The following TCF20 variants were observed in gnomAD, a reference collection of about 807,000 sequenced individuals.
TCF20 encodes SPRE-binding protein.
TCF20 carries 3 observed loss-of-function variants against 148.6 expected under a neutral mutation model. The ratio of observed to expected loss-of-function variants is 0.02; its 90% CI spans 0.01 to 0.05. TCF20 has a LOEUF of 0.05. Among genes scored for constraint, TCF20 ranks in the 10% least tolerant of loss-of-function variants. The probability of loss-of-function intolerance (pLI) is 1.00; values close to 1 mark genes in which losing one functional copy is unlikely to be tolerated. For missense variants in TCF20, 2,350 were observed against 2,429.3 expected, an observed-to-expected ratio of 0.97 and a Z score of 0.69; for synonymous variants, 1,049 against 909.5, an observed-to-expected ratio of 1.15 and a Z score of -2.76.
chr22:42,268,370 G>A lies in TCF20; in HGVS notation c.-37+1969C>T, dbSNP rs536680141. On this transcript the variant is annotated intron_variant, in intron 1 of 5. Coordinates refer to ENST00000677622, the MANE Select transcript of TCF20 (RefSeq NM_001378418.1). Reference sequence around the variant, plus strand: ...CCATAAAATCAGTGAAACTAATTGCGGTTCTTCAGCATCTGCGGAGCACTG... The same window carrying A: ...CCATAAAATCAGTGAAACTAATTGCAGTTCTTCAGCATCTGCGGAGCACTG... Among the ~76,000 whole-genome samples, 6 of 152,216 alleles carry A rather than the reference G, an allele frequency of 3.9e-5. No individual in the cohort carries two copies. The South Asian group carries it at 1.0e-3, about 26-fold the overall frequency.
At chr22:42,185,419 C>T (rs1936997551) in intron 2 of TCF20, among the ~76,000 whole-genome samples, 1 of 152,154 alleles carries the variant, frequency 6.6e-6, no homozygotes, top group Non-Finnish European at 1.5e-5. Context: ...AACTTGAGAG[C>T]CTGAAGACAA....
intron 1 of TCF20, among the ~76,000 whole-genome samples, chr22:42,237,325 A>G (rs969268814): frequency 6.6e-6 from 1 of 151,700 alleles, no homozygotes; most frequent in Non-Finnish European, 1.5e-5. Flanking sequence ...ATAAGCAGCA[A>G]CTCCTCATCT....
intron 1 of TCF20, among the ~76,000 whole-genome samples, chr22:42,261,046 CTG>C (rs1456203658): frequency 2.0e-5 from 3 of 152,200 alleles, no homozygotes; most frequent in African/African-American, 7.2e-5. Flanking sequence ...CAACACCAAT[CTG>C]AAATCTAGTA....
In TCF20 at chr22:42,210,619, G is replaced by A. The variant is rs1480392512; in HGVS notation, c.4687C>T (p.Pro1563Ser). The change falls in exon 2 of 6, where the codon CCC (proline) becomes TCC (serine). Residue 1563 changes from proline to serine, a missense_variant. By Grantham distance (74) the Pro-to-Ser change is moderately conservative. Coordinates refer to ENST00000677622, the MANE Select transcript of TCF20 (RefSeq NM_001378418.1). The surrounding 1 kb of genome is among the most constrained non-coding windows in gnomAD (Gnocchi z 4.7). ...GCAGAACCTTCTGGTATCTGTGGGGGCTGAGGGGGTGGAGGCGGTGGCTGC... is the reference window on the plus strand; with the variant it reads ...GCAGAACCTTCTGGTATCTGTGGGGACTGAGGGGGTGGAGGCGGTGGCTGC... ...QQQPPPPPPQ[P>S]PQIPEGSADG... 4.3e-6 allele frequency: 7 copies of A among 1,614,072 alleles called. No individual in the cohort carries two copies. The East Asian group carries it at 8.9e-5, about 21-fold the overall frequency.
At chr22:42,241,784 G>C (rs189212448) in intron 1 of TCF20, among the ~76,000 whole-genome samples, 1 of 151,940 alleles carries the variant, frequency 6.6e-6, no homozygotes, top group Non-Finnish European at 1.5e-5. Context: ...AGCCAAGATC[G>C]TGCCACTGCA....
intron 1 of TCF20, among the ~76,000 whole-genome samples, chr22:42,237,475 G>A (rs1383020911): frequency 1.3e-5 from 2 of 152,152 alleles, no homozygotes; most frequent in East Asian, 3.8e-4. Context: ...TCATCCATGA[G>A]GGCTGGAATC....
At position 42,160,546 on chromosome 22, in the gene TCF20, T is replaced by C; in HGVS notation, c.*857A>G. On this transcript the variant is annotated 3_prime_UTR_variant, in exon 6 of 6. Coordinates refer to ENST00000677622, the MANE Select transcript of TCF20 (RefSeq NM_001378418.1). ...TGATTTTGCTGCTGCTGTGTACACT[T>C]GATGGGGTCCTTGAGGTCCTCACCA... 1 of 152,390 alleles carries C rather than the reference T, an allele frequency of 6.6e-6. No individual in the cohort carries two copies. The highest frequency in any genetic ancestry group is 1.5e-5 in the Non-Finnish European group (1 of 68,004). 9.4% of individuals were successfully genotyped at this position (152,390 alleles called of 1,614,324 possible).
chr22:42,237,289 C>A (rs2147296312), intron 1 of TCF20, among the ~76,000 whole-genome samples: 1 of 152,314 alleles, frequency 6.6e-6, no homozygotes, highest in Middle Eastern at 3.4e-3. Flanking sequence ...GATTCCATCT[C>A]AATAAATCAC....
chr22:42,316,550 G>A (rs1927635393), intron 1 of TCF20, among the ~76,000 whole-genome samples: 1 of 152,210 alleles, frequency 6.6e-6, no homozygotes. Context: ...CGATTCGCCT[G>A]TCTCAGCCTC....
chr22:42,315,220 C>T (rs1927607125), intron 1 of TCF20, among the ~76,000 whole-genome samples: 1 of 152,142 alleles, frequency 6.6e-6, no homozygotes, highest in Non-Finnish European at 1.5e-5. Flanking sequence ...TCACCAGCCA[C>T]CTAATGGGGG....
intron 1 of TCF20, among the ~76,000 whole-genome samples, chr22:42,257,070 A>C (rs1382503988): frequency 1.3e-5 from 2 of 152,164 alleles, no homozygotes; most frequent in African/African-American, 4.8e-5. Context: ...CGAGGAAGGA[A>C]GATCATTTGA....
intron 1 of TCF20, among the ~76,000 whole-genome samples, chr22:42,256,696 G>A (rs529556714): frequency 6.6e-6 from 1 of 152,298 alleles, no homozygotes; most frequent in East Asian, 1.9e-4. Flanking sequence ...TCAATGCATA[G>A]TGTATCTTTT....
In TCF20 at chr22:42,294,901, T is replaced by C. The variant is rs535829610; in HGVS notation, c.-37+48578A>G. Reference sequence around the variant, plus strand: ...GGGCCCTGGGGGACAGGGATGACCCTCAGATAGGATCCAAAGGTGCTTGAT... The same window carrying C: ...GGGCCCTGGGGGACAGGGATGACCCCCAGATAGGATCCAAAGGTGCTTGAT... On this transcript the variant is annotated intron_variant, in intron 1 of 1. Coordinates refer to the TCF20 transcript ENST00000515426. Among the ~76,000 whole-genome samples the C allele has an allele frequency of 5.9e-5, 9 of 152,234 alleles. 1 individual carries two copies. Among genetic ancestry groups the C allele is most frequent in the African/African-American group, 2.2e-4 (9 of 41,544 alleles).
At chr22:42,329,401 C>T (rs1304569411) in intron 1 of TCF20, among the ~76,000 whole-genome samples, 2 of 152,210 alleles carry the variant, frequency 1.3e-5, no homozygotes, top group African/African-American at 4.8e-5. Context: ...GGACTCAGGG[C>T]CTCACACTCG....
intron 1 of TCF20, among the ~76,000 whole-genome samples, chr22:42,318,126 G>A (rs375640700): frequency 1.1e-4 from 17 of 152,378 alleles, no homozygotes; most frequent in African/African-American, 3.6e-4. Flanking sequence ...CGCCCTGCTC[G>A]CCAGGTATGA....
At position 42,316,207 on chromosome 22, in the gene TCF20, G is replaced by A. The variant is rs192300725; in HGVS notation, c.-37+27272C>T. On this transcript the variant is annotated intron_variant, in intron 1 of 1. Coordinates refer to the TCF20 transcript ENST00000515426. ...ACCAGGGAGCCCTGGCAGCTTCCAA[G>A]GAAGAAGGGACCCAGGCAGGTTTGC... Among the ~76,000 whole-genome samples the A allele has an allele frequency of 1.9e-3, 283 of 151,990 alleles. 1 individual carries two copies. The highest frequency in any genetic ancestry group is 6.5e-3 in the African/African-American group (271 of 41,420).
intron 1 of TCF20, among the ~76,000 whole-genome samples, chr22:42,266,082 T>TAAAAAAA: frequency 7.1e-6 from 1 of 141,562 alleles, no homozygotes; most frequent in Non-Finnish European, 1.5e-5. Flanking sequence ...GCTTTAAAAT[T>TAAAAAAA]AAAAAAAAAA....
chr22:42,174,765 G>A (rs1936335064), intron 3 of TCF20, among the ~76,000 whole-genome samples: 1 of 151,786 alleles, frequency 6.6e-6, no homozygotes, highest in East Asian at 1.9e-4. Context: ...GCCAGGCGCG[G>A]TGGCTCACGC....
rs1318139738 is a variant in TCF20 at position 42,211,794 on chromosome 22, G to A, written c.3512C>T (p.Pro1171Leu). The A allele has an allele frequency of 1.9e-6, 3 of 1,614,168 alleles. No homozygotes were observed. The highest frequency in any genetic ancestry group is 2.2e-5 in the East Asian group (1 of 44,868). Residue 1171 changes from proline (P) to leucine (L), a missense_variant, in exon 2 of 6, where the codon CCT (proline) becomes CTT (leucine). Physicochemically the swap from Pro to Leu is moderately conservative, Grantham distance 98. Transcript: ENST00000677622. ...GRCLMSSDGL[P>L]NKGMELKHGS... ...ATGCTTTAATTCCATGCCCTTGTTA[G>A]GCAGACCATCACTAGACATTAGGCA...
Sources: gnomAD v4.1 joint callset for allele counts (sites outside exome capture counted in the v4.1 genomes callset) on GRCh38, gnomAD v4.1.1 for gene constraint, Gnocchi (gnomAD v3.1) non-coding constraint, MANE v1.5 for transcripts, NCBI Gene and HGNC (gene_info 2026-07-23, HGNC 2026-07-21) for gene names.